The following DZIP3 variants were observed in gnomAD, a reference collection of about 807,000 sequenced individuals.
DZIP3 encodes E3 ubiquitin-protein ligase DZIP3.
A neutral mutation model predicts 162.0 loss-of-function variants in DZIP3; 118 were observed. The observed-to-expected ratio is 0.73, with a 90% CI of 0.63 to 0.85. The LOEUF is 0.85. Ranked by LOEUF, DZIP3 falls within the 40% of genes least tolerant of loss-of-function variation. The pLI is 0.00. For missense variants in DZIP3, 1,331 were observed against 1,407.0 expected, an observed-to-expected ratio of 0.95 and a Z score of 0.86; for synonymous variants, 438 against 458.6, an observed-to-expected ratio of 0.96 and a Z score of 0.57.
chr3:108,661,832 T>G (rs1390060880), intron 19 of DZIP3, 45 bp from the exon 20 acceptor site: 1 of 1,523,102 alleles, frequency 6.6e-7, no homozygotes, highest in African/African-American at 1.4e-5. Flanking sequence ...AACTAAAATT[T>G]TTTTTTGAGG....
intron 27 of DZIP3, among the ~76,000 whole-genome samples, chr3:108,684,910 G>C (rs1365345843): frequency 6.6e-6 from 1 of 152,096 alleles, no homozygotes; most frequent in Non-Finnish European, 1.5e-5. Context: ...GAAATTACCA[G>C]AATTATCAGT....
At chr3:108,687,763 A>G (rs1215327188) in intron 28 of DZIP3, among the ~76,000 whole-genome samples, 1 of 152,208 alleles carries the variant, frequency 6.6e-6, no homozygotes, top group Non-Finnish European at 1.5e-5. Context: ...AACATTAAGT[A>G]TCATTAATGA....
intron 32 of DZIP3, among the ~76,000 whole-genome samples, chr3:108,691,867 C>G (rs1035987568): frequency 2.0e-5 from 3 of 152,108 alleles, no homozygotes; most frequent in African/African-American, 7.2e-5. Context: ...CCTGAAAACC[C>G]ATTTGTCTTT....
intron 19 of DZIP3, among the ~76,000 whole-genome samples, chr3:108,660,093 C>T (rs1943348678): frequency 6.6e-6 from 1 of 152,148 alleles, no homozygotes; most frequent in Non-Finnish European, 1.5e-5. Flanking sequence ...AATTCCATCC[C>T]CATCAAGCTA....
chr3:108,654,226 T>C lies in DZIP3; in HGVS notation c.2115T>C (p.Asp705=), dbSNP rs1026824000. Residue 705 remains aspartate, a synonymous_variant, in exon 19 of 33, where the codon GAT becomes GAC. Coordinates refer to ENST00000361582, the MANE Select transcript of DZIP3 (RefSeq NM_014648.4). ...CAGTCAGTAGACTTATAAAAGATGA[T>C]GCAAGTGATGTTCAAGAGGATTCTG... ...PHSVSRLIKD[D]ASDVQEDSAM... The C allele has an allele frequency of 1.2e-5, 19 of 1,613,732 alleles. No homozygotes were observed. The highest frequency in any genetic ancestry group is 1.6e-5 in the Non-Finnish European group (19 of 1,179,806).
chr3:108,625,791 A>T, intron 6 of DZIP3, 54 bp from the exon 7 acceptor site: 1 of 201,496 alleles, frequency 5.0e-6, no homozygotes, highest in Non-Finnish European at 6.6e-6. Flanking sequence ...GTTTATTGTA[A>T]AAAAAAAAAA....
At chr3:108,646,759 T>A in intron 15 of DZIP3, 110 bp downstream of exon 15, 1 of 855,564 alleles carries the variant, frequency 1.2e-6, no homozygotes, top group Non-Finnish European at 1.8e-6. Flanking sequence ...GTGAAGAACT[T>A]GGGCCAGGCG....
chr3:108,674,241 C>T (rs914875824), intron 24 of DZIP3, 60 bp downstream of exon 24: 23 of 1,378,312 alleles, frequency 1.7e-5, no homozygotes, highest in East Asian at 1.1e-4. Context: ...AGTGTCTCCA[C>T]GGTTGAATAT....
rs575260015 is a variant in DZIP3 at position 108,595,400 on chromosome 3, T to TG, written c.-73+5561_-73+5562insG. On this transcript the variant is annotated intron_variant, in intron 1 of 32. Transcript: ENST00000361582. Reference sequence around the variant, plus strand: ...ACCTGCCTAATTTTTAAATTTTTTTTAGAGACAGGGTCTTGCTATGTTGCC... The same window carrying TG: ...ACCTGCCTAATTTTTAAATTTTTTTTGAGAGACAGGGTCTTGCTATGTTGCC... Among the ~76,000 whole-genome samples, 17 of 152,228 alleles carry TG rather than the reference T, an allele frequency of 1.1e-4. No individual in the cohort carries two copies. The South Asian group carries it at 3.3e-3, about 30-fold the overall frequency.
chr3:108,640,166 C>T (rs1043986290), intron 12 of DZIP3, among the ~76,000 whole-genome samples: 9 of 152,064 alleles, frequency 5.9e-5, no homozygotes, highest in Non-Finnish European at 7.4e-5. Flanking sequence ...GAATGTTCTA[C>T]TTGGATTTGT....
At chr3:108,644,022 C>T in intron 13 of DZIP3, 142 bp from the exon 14 acceptor site, 1 of 998,554 alleles carries the variant, frequency 1.0e-6, no homozygotes, top group East Asian at 2.6e-5. Flanking sequence ...TAATTGAGCA[C>T]TGGCTGTGGC....
At chr3:108,643,022 C>G (rs1249200921) in intron 13 of DZIP3, among the ~76,000 whole-genome samples, 1 of 152,126 alleles carries the variant, frequency 6.6e-6, no homozygotes, top group Non-Finnish European at 1.5e-5. Context: ...TGGTGGCAGT[C>G]CAGCCAACTT....
At chr3:108,600,297 C>A (rs942275024) in intron 1 of DZIP3, among the ~76,000 whole-genome samples, 2 of 151,796 alleles carry the variant, frequency 1.3e-5, no homozygotes, top group African/African-American at 4.8e-5. Context: ...AAAATTTTAA[C>A]CAAGTTGCAT....
intron 2 of DZIP3, among the ~76,000 whole-genome samples, chr3:108,607,312 C>A (rs1019925338): frequency 1.1e-4 from 16 of 152,112 alleles, no homozygotes; most frequent in African/African-American, 3.6e-4. Flanking sequence ...CAAATGAATG[C>A]ATAAATGTAA....
At chr3:108,643,925 T>A (rs764690078) in intron 13 of DZIP3, among the ~76,000 whole-genome samples, 9 of 152,160 alleles carry the variant, frequency 5.9e-5, no homozygotes, top group Non-Finnish European at 1.0e-4. Context: ...ACTGAAAGAC[T>A]TCTGTGGTGA....
intron 2 of DZIP3, among the ~76,000 whole-genome samples, 173 bp downstream of exon 2, chr3:108,605,611 A>G (rs962966844): frequency 6.6e-6 from 1 of 152,182 alleles, no homozygotes; most frequent in African/African-American, 2.4e-5. Flanking sequence ...TCACATGGGC[A>G]GTTCACAATA....
chr3:108,680,620 G>C (rs781625049), intron 26 of DZIP3, among the ~76,000 whole-genome samples: 4 of 152,040 alleles, frequency 2.6e-5, no homozygotes, highest in Admixed American at 2.6e-4. Flanking sequence ...TCAAACATTG[G>C]TGAAAGAAAT....
At chr3:108,690,318 T>G (rs538693466) in intron 31 of DZIP3, among the ~76,000 whole-genome samples, 2 of 152,160 alleles carry the variant, frequency 1.3e-5, no homozygotes, top group African/African-American at 2.4e-5. Context: ...TAGCCGAAAA[T>G]TACTGTCATT....
chr3:108,632,949 C>A lies in DZIP3; in HGVS notation c.697-4C>A, dbSNP rs1941955514. On this transcript the variant is annotated splice_polypyrimidine_tract_variant and splice_region_variant and intron_variant, in intron 8 of 32. Transcript: ENST00000361582. ...TGAGAATTCTTTCTGTTTTTAAAATCTAGGATCTTCTTAATAATTTTATCA... is the reference window on the plus strand; with the variant it reads ...TGAGAATTCTTTCTGTTTTTAAAATATAGGATCTTCTTAATAATTTTATCA... 2.2e-6 allele frequency: 3 copies of A among 1,372,956 alleles called. No individual in the cohort carries two copies. The highest frequency in any genetic ancestry group is 2.9e-6 in the Non-Finnish European group (3 of 1,023,808). 85.0% of individuals were successfully genotyped at this position (1,372,956 alleles called of 1,614,324 possible).
Sources: gnomAD v4.1 joint callset for allele counts (sites outside exome capture counted in the v4.1 genomes callset) on GRCh38, gnomAD v4.1.1 for gene constraint, MANE v1.5 for transcripts, NCBI Gene and HGNC (gene_info 2026-07-23, HGNC 2026-07-21) for gene names.